The following ZMAT3 variants were observed in gnomAD, a reference collection of about 807,000 sequenced individuals.
ZMAT3 encodes zinc finger matrin-type 3, also known as zinc finger matrin-type protein 3.
A neutral mutation model predicts 32.3 loss-of-function variants in ZMAT3; 17 were observed. That is an observed-to-expected ratio of 0.53 (90% CI 0.36 to 0.79). The LOEUF is 0.79. ZMAT3 is among the 30% of genes least tolerant of loss of function. The probability of loss-of-function intolerance (pLI) is 0.00; values close to 1 mark genes in which losing one functional copy is unlikely to be tolerated. For missense variants in ZMAT3, 329 were observed against 359.7 expected (o/e 0.91, Z 0.69); for synonymous variants, 120 against 133.1 (o/e 0.90, Z 0.68).
chr3:179,053,069 A>C (rs548998255), intron 2 of ZMAT3, among the ~76,000 whole-genome samples: 1 of 152,260 alleles, frequency 6.6e-6, no homozygotes, highest in Non-Finnish European at 1.5e-5. Flanking sequence ...CGGAGGTTGC[A>C]GTGAGCGGAG....
intron 2 of ZMAT3, among the ~76,000 whole-genome samples, chr3:179,060,747 G>A (rs1344577766): frequency 6.6e-6 from 1 of 152,008 alleles, no homozygotes; most frequent in Non-Finnish European, 1.5e-5. Flanking sequence ...AAGTATCCTG[G>A]GGAAAACTAG....
chr3:179,053,549 T>C (rs1490172599), intron 2 of ZMAT3, among the ~76,000 whole-genome samples: 1 of 152,188 alleles, frequency 6.6e-6, no homozygotes, highest in African/African-American at 2.4e-5. Context: ...CCATATAACA[T>C]TTGTTGAACA....
intron 2 of ZMAT3, among the ~76,000 whole-genome samples, chr3:179,040,100 G>T (rs572389844): frequency 7.2e-5 from 11 of 152,158 alleles, no homozygotes; most frequent in African/African-American, 2.7e-4. Context: ...CCAAATCTAC[G>T]TTTGATTGGT....
In ZMAT3 at chr3:179,050,074, G is replaced by A. The variant is rs186277696; in HGVS notation, c.270+17409C>T. 3.7e-3 allele frequency among the ~76,000 whole-genome samples: 535 copies of A among 145,094 alleles called. 3 individuals carry two copies. Among genetic ancestry groups the A allele is most frequent in the African/African-American group, 0.013 (508 of 39,174 alleles). On this transcript the variant is annotated intron_variant, in intron 2 of 5. Coordinates refer to ENST00000311417, the MANE Select transcript of ZMAT3 (RefSeq NM_022470.4). ...TAAGGTCACACCTCACAGAACTGGA[G>A]AAACAAAACAATCCAAACCCAAACC... is the stretch of plus-strand genomic sequence containing the variant.
chr3:179,038,604 C>A (rs541691889), intron 2 of ZMAT3, among the ~76,000 whole-genome samples: 3 of 152,176 alleles, frequency 2.0e-5, no homozygotes, highest in Non-Finnish European at 4.4e-5. Context: ...ACAAGATGGC[C>A]AAATAGGAAC....
intron 2 of ZMAT3, among the ~76,000 whole-genome samples, chr3:179,043,714 T>C (rs530152306): frequency 2.0e-5 from 3 of 152,046 alleles, no homozygotes; most frequent in Non-Finnish European, 4.4e-5. Context: ...AAAGCCAAAA[T>C]AGACAAATGG....
At chr3:179,041,302 C>A (rs1182679174) in intron 2 of ZMAT3, among the ~76,000 whole-genome samples, 1 of 152,196 alleles carries the variant, frequency 6.6e-6, no homozygotes, top group Non-Finnish European at 1.5e-5. Context: ...CCACATCACA[C>A]TTATTCTAAA....
chr3:179,061,209 C>T (rs376752067), intron 2 of ZMAT3, among the ~76,000 whole-genome samples: 32 of 152,236 alleles, frequency 2.1e-4, no homozygotes, highest in African/African-American at 7.0e-4. Context: ...GCTGACAAAG[C>T]TGTGCAGCAA....
chr3:179,040,054 CA>C lies in ZMAT3; in HGVS notation c.271-9056del, dbSNP rs531057895. On this transcript the variant is annotated intron_variant, in intron 2 of 5. Coordinates refer to ENST00000311417, the MANE Select transcript of ZMAT3 (RefSeq NM_022470.4). Reference sequence around the variant, plus strand: ...GAAAAAAAGAGTAAAAAGAAATGAACAAAGCCTCCAAGAAATATGGGACTAT... The same window carrying C: ...GAAAAAAAGAGTAAAAAGAAATGAACAAGCCTCCAAGAAATATGGGACTAT... 1.2e-3 allele frequency among the ~76,000 whole-genome samples: 182 copies of C among 152,224 alleles called. 1 individual carries two copies. The highest frequency in any genetic ancestry group is 2.0e-3 in the Non-Finnish European group (133 of 68,016).
intron 1 of ZMAT3, among the ~76,000 whole-genome samples, chr3:179,068,403 T>G (rs895500284): frequency 6.6e-6 from 1 of 151,862 alleles, no homozygotes; most frequent in African/African-American, 2.4e-5. Context: ...TCCCAGCTAC[T>G]CAGGAGGCTG....
In ZMAT3 at chr3:179,046,514, T is replaced by C. The variant is rs1001381957; in HGVS notation, c.271-15515A>G. Among the ~76,000 whole-genome samples the C allele has an allele frequency of 6.6e-6, 1 of 152,112 alleles. No individual in the cohort carries two copies. The highest frequency in any genetic ancestry group is 2.4e-5 in the African/African-American group (1 of 41,414). On this transcript the variant is annotated intron_variant, in intron 2 of 5. Transcript: ENST00000311417. The surrounding 1 kb of genome is among the most constrained non-coding windows in gnomAD (Gnocchi z 4.3). ...AAGCGGAGGGTATTCACAGGCCCTTTGAAGGAGGCGGATTGCCACTGCAGA... is the reference window on the plus strand; with the variant it reads ...AAGCGGAGGGTATTCACAGGCCCTTCGAAGGAGGCGGATTGCCACTGCAGA...
At chr3:179,055,548 AG>A (rs779314073) in intron 2 of ZMAT3, among the ~76,000 whole-genome samples, 4 of 150,782 alleles carry the variant, frequency 2.7e-5, no homozygotes, top group African/African-American at 7.3e-5. Context: ...AGATAGACAA[AG>A]GGGTAAACAA....
Position 179,027,432 on chromosome 3 carries a change from T to G in ZMAT3, c.649A>C (p.Asn217His). Residue 217 changes from asparagine (N) to histidine (H), a missense_variant, in exon 5 of 6, where the codon AAT becomes CAT. Transcript: ENST00000311417. ...PNRRNMYTVQNNSAGPYFNPR... is the reference protein window; with the variant it reads ...PNRRNMYTVQHNSAGPYFNPR... Reference sequence around the variant, plus strand: ...GAAACAGACAAGATACCTGAATTATTCTGTACTGTATACATATTTCTCCTG... The same window carrying G: ...GAAACAGACAAGATACCTGAATTATGCTGTACTGTATACATATTTCTCCTG... 1 of 1,614,062 alleles carries G rather than the reference T, an allele frequency of 6.2e-7. No individual in the cohort carries two copies. The highest frequency in any genetic ancestry group is 8.5e-7 in the Non-Finnish European group (1 of 1,179,918).
At chr3:179,065,427 T>A (rs1721360643) in intron 2 of ZMAT3, among the ~76,000 whole-genome samples, 3 of 152,216 alleles carry the variant, frequency 2.0e-5, no homozygotes, top group Admixed American at 2.0e-4. Flanking sequence ...AAAACAAATG[T>A]TGATTCTGCT....
Position 179,024,846 on chromosome 3 carries a change from C to CG in ZMAT3, c.*170dup. ...CACGTTCTTCACACCCACCTCCCCCCGCCCCGCCCCCGGGCCCCCAGGTTT... is the reference window on the plus strand; with the variant it reads ...CACGTTCTTCACACCCACCTCCCCCCGGCCCCGCCCCCGGGCCCCCAGGTTT... On this transcript the variant is annotated 3_prime_UTR_variant, in exon 6 of 6. Coordinates refer to ENST00000311417, the MANE Select transcript of ZMAT3 (RefSeq NM_022470.4). 2 of 577,890 alleles carry CG rather than the reference C, an allele frequency of 3.5e-6. No individual in the cohort carries two copies. The allele number at this position is 577,890 out of a possible 1,614,324, so 35.8% of individuals were successfully genotyped here.
chr3:179,059,324 C>T (rs933209154), intron 2 of ZMAT3, among the ~76,000 whole-genome samples: 34 of 152,052 alleles, frequency 2.2e-4, no homozygotes, highest in Admixed American at 1.1e-3. Context: ...GGCTAGCCAC[C>T]GAAGAAGGAA....
rs1397214633 is a variant in ZMAT3, at chr3:179,020,766, CT to C, written c.*4250del. ...CATGTTGCACAGTTACATGTGTCCC[CT>C]GACACAAACGACACTCATTTTACGT... On this transcript the variant is annotated 3_prime_UTR_variant, in exon 6 of 6. Transcript: ENST00000311417. 6.6e-6 allele frequency: 1 copy of C among 152,228 alleles called. No individual in the cohort carries two copies. The highest frequency in any genetic ancestry group is 1.5e-5 in the Non-Finnish European group (1 of 68,030). The allele number at this position is 152,228 out of a possible 1,614,324, so 9.4% of individuals were successfully genotyped here. A position where few individuals can be genotyped will look rare whatever the true frequency, so the allele number is the denominator to read the frequency against.
At chr3:179,055,830 C>G (rs1004719378) in intron 2 of ZMAT3, among the ~76,000 whole-genome samples, 23 of 152,094 alleles carry the variant, frequency 1.5e-4, no homozygotes, top group African/African-American at 5.6e-4. Context: ...TAACTGCAGC[C>G]CGAGAGTTTG....
chr3:179,033,390 G>C (rs9835752), intron 2 of ZMAT3, among the ~76,000 whole-genome samples: 123,381 of 151,598 alleles, frequency 0.81, 50,598 homozygotes, highest in East Asian at 0.94. Context: ...AGGAAAACCA[G>C]AGACCTCTGT....
Sources: allele counts gnomAD v4.1 joint callset (sites outside exome capture counted in the v4.1 genomes callset), GRCh38; gene constraint gnomAD v4.1.1; non-coding constraint Gnocchi (gnomAD v3.1); transcripts MANE v1.5; gene names NCBI Gene and HGNC (gene_info 2026-07-23, HGNC 2026-07-21).